NACC2: variants seen among roughly 807,000 people sequenced by gnomAD.
NACC2 encodes nucleus accumbens-associated protein 2.
Under a neutral mutation model 25.1 loss-of-function variants are expected in NACC2, and 8 were observed. The observed-to-expected ratio is 0.32, with a 90% CI of 0.19 to 0.57. The LOEUF (loss-of-function observed/expected upper bound fraction) is 0.57. Among genes scored for constraint, NACC2 ranks in the 20% least tolerant of loss-of-function variants. The pLI, the probability that NACC2 is intolerant of heterozygous loss-of-function variation, is 0.89. For missense variants in NACC2, 644 were observed against 650.2 expected (o/e 0.99, Z 0.10); for synonymous variants, 435 against 294.7 (o/e 1.48, Z -4.88).
At chr9:136,012,664 T>G (rs1036959827) in intron 5 of NACC2, among the ~76,000 whole-genome samples, 1 of 151,770 alleles carries the variant, frequency 6.6e-6, no homozygotes, top group African/African-American at 2.4e-5. Context: ...TTTTTTTTTT[T>G]TTTTTTTTTC....
chr9:136,068,300 C>T (rs1448426819), intron 1 of NACC2, among the ~76,000 whole-genome samples: 1 of 151,996 alleles, frequency 6.6e-6, no homozygotes, highest in African/African-American at 2.4e-5. Flanking sequence ...GAGTTCAAGA[C>T]CAGCCTGGTC....
chr9:136,031,465 G>A (rs1454068503), intron 2 of NACC2, among the ~76,000 whole-genome samples: 1 of 152,078 alleles, frequency 6.6e-6, no homozygotes. Flanking sequence ...AGCCTCCCGA[G>A]CAGCTGGGAT....
intron 2 of NACC2, among the ~76,000 whole-genome samples, chr9:136,036,706 C>A (rs1840559675): frequency 1.3e-5 from 2 of 152,294 alleles, no homozygotes; most frequent in South Asian, 2.1e-4. Flanking sequence ...GAAGAAACCA[C>A]AGCAGAGATT....
intron 1 of NACC2, among the ~76,000 whole-genome samples, chr9:136,054,478 G>C (rs1840895511): frequency 6.6e-6 from 1 of 152,198 alleles, no homozygotes; most frequent in Non-Finnish European, 1.5e-5. Context: ...CTGAACTTTA[G>C]GAGAAAAGAA....
At chr9:136,089,346 C>T (rs1042834022) in intron 1 of NACC2, among the ~76,000 whole-genome samples, 1 of 152,104 alleles carries the variant, frequency 6.6e-6, no homozygotes, top group African/African-American at 2.4e-5. Flanking sequence ...AGGGGGCTCC[C>T]CCTCCCCACA....
chr9:136,016,564 T>A, intron 2 of NACC2, 135 bp from the exon 3 acceptor site: 1 of 983,600 alleles, frequency 1.0e-6, no homozygotes, highest in African/African-American at 1.6e-5. Flanking sequence ...GTGAGGCCAC[T>A]CTGTGCCGCT....
intron 2 of NACC2, among the ~76,000 whole-genome samples, chr9:136,021,507 G>A (rs1368329303): frequency 6.6e-6 from 1 of 152,222 alleles, no homozygotes; most frequent in African/African-American, 2.4e-5. Flanking sequence ...ACCTCACTGG[G>A]GAGAGTGCAA....
Position 136,019,037 on chromosome 9 carries a change from G to C in NACC2, c.887-2608C>G, listed in dbSNP as rs1840245697. On this transcript the variant is annotated intron_variant, in intron 2 of 5. Transcript: ENST00000277554. The surrounding 1 kb of genome is among the most constrained non-coding windows in gnomAD (Gnocchi z 5.2). The stretch of plus-strand genomic sequence containing the variant: ...TGTCAGCACCAGAGCGGCCAAAAAA[G>C]CCTCTTCTATTTCTGCCTTGCCGTG... 6.6e-6 allele frequency: 1 copy of C among 150,830 alleles called. No homozygotes were observed. The highest frequency in any genetic ancestry group is 6.6e-5 in the Admixed American group (1 of 15,158). The allele number at this position is 150,830 out of a possible 1,614,324, so 9.3% of individuals were successfully genotyped here. A position where few individuals can be genotyped will look rare whatever the true frequency, so the allele number is the denominator to read the frequency against.
rs1329995585 is a variant in NACC2 at position 136,048,051 on chromosome 9, G to A, written c.886+1585C>T. On this transcript the variant is annotated intron_variant, in intron 2 of 5. Coordinates refer to ENST00000277554, the MANE Select transcript of NACC2 (RefSeq NM_144653.5). ...CCATGGTGCAGCTCCCTGACCCGTCGGCAACCCGTCGGCAGGGCCCTGTCT... is the reference window on the plus strand; with the variant it reads ...CCATGGTGCAGCTCCCTGACCCGTCAGCAACCCGTCGGCAGGGCCCTGTCT... Among the ~76,000 whole-genome samples, 4 of 152,180 alleles carry A rather than the reference G, an allele frequency of 2.6e-5. No homozygotes were observed. The East Asian group carries it at 5.8e-4, about 22-fold the overall frequency.
At chr9:136,064,264 G>A (rs1198113189) in intron 1 of NACC2, among the ~76,000 whole-genome samples, 1 of 152,194 alleles carries the variant, frequency 6.6e-6, no homozygotes, top group South Asian at 2.1e-4. Context: ...ACTCCAGCCT[G>A]GGTGACAGAG....
chr9:136,031,063 A>C (rs954964181), intron 2 of NACC2, among the ~76,000 whole-genome samples: 4 of 152,216 alleles, frequency 2.6e-5, no homozygotes, highest in African/African-American at 9.6e-5. Context: ...TCCTGCAGCT[A>C]CTCAAGAAAA....
intron 1 of NACC2, among the ~76,000 whole-genome samples, chr9:136,078,834 C>A (rs535380459): frequency 1.3e-5 from 2 of 152,212 alleles, no homozygotes; most frequent in Non-Finnish European, 2.9e-5. Flanking sequence ...GGAACTGAGG[C>A]TCTCAGGGCA....
intron 5 of NACC2, 85 bp from the exon 6 acceptor site, chr9:136,012,109 G>T: frequency 7.0e-7 from 1 of 1,423,506 alleles, no homozygotes. Flanking sequence ...ATGATGCCCT[G>T]GATGAGCCTC....
Position 136,073,734 on chromosome 9 carries a change from T to C in NACC2, c.-60+21455A>G, listed in dbSNP as rs116339818. Among the ~76,000 whole-genome samples, 1,125 of 152,348 alleles carry C rather than the reference T, an allele frequency of 7.4e-3. 10 individuals carry two copies. Among genetic ancestry groups the C allele is most frequent in the African/African-American group, 0.024 (1,008 of 41,578 alleles). On this transcript the variant is annotated intron_variant, in intron 1 of 5. Transcript: ENST00000277554. ...AGCAGCTGCGTGTGTGCTACAATTT[T>C]GGCACAATTTGCTCAGTTTCAATGG...
At chr9:136,014,394 T>C (rs1020977928) in intron 3 of NACC2, among the ~76,000 whole-genome samples, 6 of 152,046 alleles carry the variant, frequency 3.9e-5, no homozygotes, top group Non-Finnish European at 8.8e-5. Flanking sequence ...AGCCTCGACC[T>C]CCCGGGCTCC....
intron 2 of NACC2, among the ~76,000 whole-genome samples, chr9:136,041,040 A>G (rs1303970847): frequency 6.8e-6 from 1 of 147,316 alleles, no homozygotes; most frequent in African/African-American, 2.5e-5. Flanking sequence ...AAGGAAAGAA[A>G]AGGAAGGAAG....
intron 2 of NACC2, among the ~76,000 whole-genome samples, chr9:136,029,378 TC>T: frequency 6.6e-6 from 1 of 152,284 alleles, no homozygotes; most frequent in African/African-American, 2.4e-5. Flanking sequence ...AGCTGTACTG[TC>T]CCTCAATAAA....
chr9:136,038,769 C>T (rs1279088760), intron 2 of NACC2, among the ~76,000 whole-genome samples: 3 of 151,978 alleles, frequency 2.0e-5, no homozygotes, highest in Non-Finnish European at 2.9e-5. Context: ...AAGTTATGCA[C>T]GAGGGGCATC....
intron 1 of NACC2, among the ~76,000 whole-genome samples, chr9:136,089,066 G>A (rs942547238): frequency 1.2e-4 from 18 of 152,210 alleles, no homozygotes; most frequent in Admixed American, 6.5e-5. Flanking sequence ...ACACAGACAC[G>A]AAATCTGTCT....
Sources: gnomAD v4.1 joint callset for allele counts (sites outside exome capture counted in the v4.1 genomes callset) on GRCh38, gnomAD v4.1.1 for gene constraint, Gnocchi (gnomAD v3.1) non-coding constraint, MANE v1.5 for transcripts, NCBI Gene and HGNC (gene_info 2026-07-23, HGNC 2026-07-21) for gene names.